Variants in MYO10 observed in about 807,000 individuals in gnomAD.
MYO10 encodes myosin X, also known as unconventional myosin-X.
A neutral mutation model predicts 257.3 loss-of-function variants in MYO10; 133 were observed. The observed-to-expected ratio is 0.52, with a 90% CI of 0.45 to 0.60. The LOEUF is 0.60. Among genes scored for constraint, MYO10 ranks in the 20% least tolerant of loss-of-function variants. MYO10 has a pLI of 0.00. For missense variants in MYO10, 2,399 were observed against 2,635.7 expected, an observed-to-expected ratio of 0.91 and a Z score of 1.97; for synonymous variants, 1,104 against 1,028.6, an observed-to-expected ratio of 1.07 and a Z score of -1.40.
At chr5:16,792,575 C>T (rs752222357) in intron 4 of MYO10, among the ~76,000 whole-genome samples, 15 of 108,192 alleles carry the variant, frequency 1.4e-4, no homozygotes, top group Non-Finnish European at 2.7e-4. Flanking sequence ...AGTCCCTCCC[C>T]ACAGGAGCGG....
intron 2 of MYO10, among the ~76,000 whole-genome samples, chr5:16,848,605 C>T (rs1743710935): frequency 6.6e-6 from 1 of 152,078 alleles, no homozygotes; most frequent in Non-Finnish European, 1.5e-5. Flanking sequence ...TTTGTGTTCC[C>T]TCCAAGAGTC....
chr5:16,928,622 G>A (rs529952464), intron 1 of MYO10, among the ~76,000 whole-genome samples: 1 of 152,096 alleles, frequency 6.6e-6, no homozygotes, highest in South Asian at 2.1e-4. Flanking sequence ...GTGACGGGTG[G>A]ATCACAAGGT....
chr5:16,793,705 G>A (rs997067217), intron 4 of MYO10, among the ~76,000 whole-genome samples: 11 of 152,116 alleles, frequency 7.2e-5, no homozygotes, highest in East Asian at 1.9e-4. Flanking sequence ...TGAGGCAGGC[G>A]GATCACCTGA....
At chr5:16,874,169 C>A (rs1744526071) in intron 2 of MYO10, among the ~76,000 whole-genome samples, 1 of 151,924 alleles carries the variant, frequency 6.6e-6, no homozygotes, top group Non-Finnish European at 1.5e-5. Context: ...CCCATCTCTA[C>A]TAAAAACACA....
intron 4 of MYO10, among the ~76,000 whole-genome samples, chr5:16,786,879 A>C (rs1256258234): frequency 1.4e-5 from 1 of 71,098 alleles, no homozygotes; most frequent in Non-Finnish European, 3.9e-5. Context: ...TTAAAAAAAA[A>C]AATTTTTGGC....
intron 6 of MYO10, 28 bp downstream of exon 6, chr5:16,781,677 A>G (rs1436782756): frequency 1.9e-6 from 3 of 1,597,502 alleles, no homozygotes; most frequent in Non-Finnish European, 2.6e-6. Context: ...ATCAATTACT[A>G]TAGATAAAAA....
At chr5:16,835,082 C>T (rs1263472404) in intron 2 of MYO10, among the ~76,000 whole-genome samples, 1 of 152,000 alleles carries the variant, frequency 6.6e-6, no homozygotes, top group African/African-American at 2.4e-5. Context: ...GAGGCTGAGG[C>T]AAGAGAATTG....
intron 9 of MYO10, among the ~76,000 whole-genome samples, chr5:16,778,697 T>C (rs1741304870): frequency 6.7e-6 from 1 of 148,188 alleles, no homozygotes. Flanking sequence ...GGTTTTTTTT[T>C]TTTTTTTTTT....
intron 11 of MYO10, among the ~76,000 whole-genome samples, chr5:16,764,842 C>A (rs1254060417): frequency 6.6e-6 from 1 of 152,066 alleles, no homozygotes; most frequent in Admixed American, 6.6e-5. Context: ...GCATGTGCCA[C>A]CACACCTGGT....
At chr5:16,811,752 A>G (rs984091824) in intron 3 of MYO10, among the ~76,000 whole-genome samples, 2 of 152,050 alleles carry the variant, frequency 1.3e-5, no homozygotes, top group African/African-American at 2.4e-5. Flanking sequence ...GACTTCGCCA[A>G]ATTGCCCAGG....
intron 2 of MYO10, among the ~76,000 whole-genome samples, chr5:16,858,972 A>G (rs888578346): frequency 6.6e-6 from 1 of 152,002 alleles, no homozygotes; most frequent in Admixed American, 6.6e-5. Flanking sequence ...GAAAAAAAAA[A>G]TAAGTAACAT....
At chr5:16,924,704 C>CA (rs1264670827) in intron 1 of MYO10, among the ~76,000 whole-genome samples, 1 of 151,608 alleles carries the variant, frequency 6.6e-6, no homozygotes, top group African/African-American at 2.4e-5. Context: ...ATCAAAATGG[C>CA]AAAAAAATAA....
At chr5:16,842,002 T>G (rs1743495539) in intron 2 of MYO10, among the ~76,000 whole-genome samples, 1 of 99,194 alleles carries the variant, frequency 1.0e-5, no homozygotes, top group African/African-American at 4.0e-5. Context: ...ACACTTGACT[T>G]TGGGGTGGGG....
chr5:16,758,291 G>A, intron 17 of MYO10, 65 bp from the exon 18 acceptor site: 1 of 1,060,768 alleles, frequency 9.4e-7, no homozygotes, highest in Non-Finnish European at 1.5e-6. Context: ...CAAGATTATT[G>A]TAATTAATGG....
intron 19 of MYO10, among the ~76,000 whole-genome samples, chr5:16,739,366 A>G (rs948180409): frequency 2.6e-5 from 4 of 152,148 alleles, no homozygotes; most frequent in Non-Finnish European, 5.9e-5. Flanking sequence ...CTACTAAAAC[A>G]TGTTCTTATT....
rs1451645834 is a variant in MYO10 at position 16,663,355 on chromosome 5, TTTTTTTTTTTTTA to T, written c.*3324_*3336del. Reference sequence around the variant, plus strand: ...TTTTTTTTTTTTTTTTTTTTTTTTTTTTTTTTTTTTTTACAAATCACCTATATGTATTAGCTTT... The same window carrying T: ...TTTTTTTTTTTTTTTTTTTTTTTTTTCAAATCACCTATATGTATTAGCTTT... On this transcript the variant is annotated 3_prime_UTR_variant, in exon 41 of 41. Coordinates refer to ENST00000513610, the MANE Select transcript of MYO10 (RefSeq NM_012334.3). The T allele has an allele frequency of 1.9e-4, 18 of 92,482 alleles. No individual in the cohort carries two copies. Among genetic ancestry groups the T allele is most frequent in the East Asian group, 4.1e-4 (1 of 2,468 alleles). 5.7% of individuals were successfully genotyped at this position (92,482 alleles called of 1,614,324 possible). A position where few individuals can be genotyped will look rare whatever the true frequency, so the allele number is the denominator to read the frequency against.
rs189995692 is a variant in MYO10 at position 16,723,951 on chromosome 5, G to A, written c.1930-12706C>T. Reference sequence around the variant, plus strand: ...AATCAGTGGTTGCCAGGGGTCGGGGGAAGGATGAAGAACTAAAGCACAGAG... The same window carrying A: ...AATCAGTGGTTGCCAGGGGTCGGGGAAAGGATGAAGAACTAAAGCACAGAG... On this transcript the variant is annotated intron_variant, in intron 19 of 40. Coordinates refer to ENST00000513610, the MANE Select transcript of MYO10 (RefSeq NM_012334.3). 1.8e-4 allele frequency among the ~76,000 whole-genome samples: 28 copies of A among 152,280 alleles called. No individual in the cohort carries two copies. The East Asian group carries it at 5.2e-3, about 28-fold the overall frequency.
rs1424385328 is a variant in MYO10, at chr5:16,783,375, C to T, written c.562G>A (p.Glu188Lys). 4.4e-6 allele frequency: 7 copies of T among 1,602,400 alleles called. No individual in the cohort carries two copies. Among genetic ancestry groups the T allele is most frequent in the Non-Finnish European group, 5.1e-6 (6 of 1,174,614 alleles). ...GCTCGTTCAACACAGGATGTCTTCT[C>T]CTTTAAGGACAATTCCAAAGACTGT... ...SQQSLELSLK[E>K]KTSCVERAIL... The change falls in exon 5 of 41, where the codon GAG (glutamate) becomes AAG (lysine). Residue 188 changes from glutamate (E) to lysine (K), a missense_variant. This residue lies in a region of MYO10 where 242 missense variants were observed against 249.5 expected (regional missense o/e 0.97). Transcript: ENST00000513610.
chr5:16,918,818 G>A (rs1399150840), intron 1 of MYO10, among the ~76,000 whole-genome samples: 2 of 151,950 alleles, frequency 1.3e-5, no homozygotes, highest in Non-Finnish European at 2.9e-5. Flanking sequence ...AGTATTTTTC[G>A]AGCCCTCACT....
Sources: gnomAD v4.1 joint callset for allele counts (sites outside exome capture counted in the v4.1 genomes callset) on GRCh38, gnomAD v4.1.1 for gene constraint, gnomAD v4.1.1 regional missense constraint, MANE v1.5 for transcripts, NCBI Gene and HGNC (gene_info 2026-07-23, HGNC 2026-07-21) for gene names.